DPP10: variants seen among roughly 807,000 people sequenced by gnomAD.
DPP10 encodes dipeptidyl peptidase like 10, also known as inactive dipeptidyl peptidase 10.
Under a neutral mutation model 120.9 loss-of-function variants are expected in DPP10, and 33 were observed. The observed-to-expected ratio is 0.27, with a 90% CI of 0.21 to 0.37. The LOEUF (loss-of-function observed/expected upper bound fraction) is 0.37, where lower values mean the gene tolerates loss of function less well. Among genes scored for constraint, DPP10 ranks in the 10% least tolerant of loss-of-function variants. DPP10 has a pLI of 1.00. For missense variants in DPP10, 816 were observed against 942.8 expected, an observed-to-expected ratio of 0.87 and a Z score of 1.76; for synonymous variants, 337 against 326.1, an observed-to-expected ratio of 1.03 and a Z score of -0.36.
intron 1 of DPP10, among the ~76,000 whole-genome samples, chr2:115,189,908 C>T (rs754562876): frequency 9.2e-5 from 14 of 152,046 alleles, no homozygotes; most frequent in Non-Finnish European, 1.8e-4. Context: ...GCATTTACTC[C>T]TCCTGAGTTT....
At chr2:115,342,109 T>C (rs191877179) in intron 2 of DPP10, 1 of 453,530 alleles carries the variant, frequency 2.2e-6, no homozygotes, top group African/African-American at 2.0e-5. Context: ...AGGCCTTCTC[T>C]GATTTTTTCT....
At chr2:115,236,823 A>G (rs1259838861) in intron 1 of DPP10, among the ~76,000 whole-genome samples, 1 of 152,162 alleles carries the variant, frequency 6.6e-6, no homozygotes, top group Non-Finnish European at 1.5e-5. Context: ...TCTCTCATGG[A>G]GACTAAGTAA....
chr2:115,475,025 A>C (rs2074983983), intron 3 of DPP10, among the ~76,000 whole-genome samples: 1 of 151,962 alleles, frequency 6.6e-6, no homozygotes, highest in Middle Eastern at 3.4e-3. Flanking sequence ...CATTTGGTAG[A>C]AAAGAAAAGC....
At chr2:114,473,407 G>A (rs138609360) in intron 1 of DPP10, among the ~76,000 whole-genome samples, 196 of 152,272 alleles carry the variant, frequency 1.3e-3, no homozygotes, top group Middle Eastern at 6.8e-3. Context: ...TATGCTTCAA[G>A]ACAGTTATTT....
At chr2:115,747,092 A>G (rs1177823200) in intron 10 of DPP10, among the ~76,000 whole-genome samples, 2 of 152,122 alleles carry the variant, frequency 1.3e-5, no homozygotes, top group African/African-American at 4.8e-5. Context: ...AAAAGGTAAT[A>G]AAGGTTTATG....
At chr2:115,758,452 G>C (rs1354068819) in intron 11 of DPP10, among the ~76,000 whole-genome samples, 2 of 151,968 alleles carry the variant, frequency 1.3e-5, no homozygotes, top group East Asian at 3.9e-4. Context: ...GCATTTGAAA[G>C]ACCTAAATAA....
At chr2:115,297,963 C>T (rs2060963913) in intron 1 of DPP10, among the ~76,000 whole-genome samples, 1 of 152,060 alleles carries the variant, frequency 6.6e-6, no homozygotes, top group Admixed American at 6.6e-5. Context: ...AACAACTGTA[C>T]TCCTGGGATG....
chr2:114,703,226 T>A (rs1035853777), intron 1 of DPP10, among the ~76,000 whole-genome samples: 1 of 152,154 alleles, frequency 6.6e-6, no homozygotes, highest in Non-Finnish European at 1.5e-5. Context: ...TCAAAAAAAA[T>A]AATATATCTA....
intron 1 of DPP10, among the ~76,000 whole-genome samples, chr2:114,914,902 C>T (rs1030276677): frequency 1.3e-4 from 20 of 152,116 alleles, no homozygotes; most frequent in Admixed American, 6.5e-4. Flanking sequence ...GAGGCCGAGG[C>T]GGGCGGATCA....
At chr2:114,656,073 A>T (rs1696947001) in intron 1 of DPP10, among the ~76,000 whole-genome samples, 1 of 152,134 alleles carries the variant, frequency 6.6e-6, no homozygotes, top group African/African-American at 2.4e-5. Flanking sequence ...TTATGTTGAG[A>T]TTCAATGTTA....
intron 1 of DPP10, among the ~76,000 whole-genome samples, chr2:114,997,171 G>A (rs985021068): frequency 2.0e-5 from 3 of 151,590 alleles, no homozygotes; most frequent in Non-Finnish European, 2.9e-5. Flanking sequence ...TCACTTATAA[G>A]AAACTTAAAT....
intron 5 of DPP10, among the ~76,000 whole-genome samples, chr2:115,661,629 A>G (rs913049803): frequency 6.6e-6 from 1 of 152,228 alleles, no homozygotes; most frequent in African/African-American, 2.4e-5. Flanking sequence ...GTGTGGTTTC[A>G]GCCAACATTC....
chr2:115,742,058 T>C (rs1677339995), intron 9 of DPP10, among the ~76,000 whole-genome samples: 1 of 151,998 alleles, frequency 6.6e-6, no homozygotes. Context: ...CAGGTACTAA[T>C]GATAAACTTT....
chr2:114,663,502 A>G (rs555245978), intron 1 of DPP10, among the ~76,000 whole-genome samples: 1 of 150,440 alleles, frequency 6.6e-6, no homozygotes, highest in East Asian at 1.9e-4. Flanking sequence ...CCCCAACAGG[A>G]CCCGCTGTAA....
chr2:115,576,640 T>C (rs1438740705), intron 5 of DPP10, among the ~76,000 whole-genome samples: 1 of 152,178 alleles, frequency 6.6e-6, no homozygotes, highest in Non-Finnish European at 1.5e-5. Flanking sequence ...ACGGTTGAGA[T>C]GGAGAGGCTT....
intron 1 of DPP10, among the ~76,000 whole-genome samples, chr2:115,186,170 C>T (rs891375533): frequency 3.9e-5 from 6 of 152,160 alleles, no homozygotes; most frequent in African/African-American, 1.4e-4. Context: ...CTGCGGAGCT[C>T]CGTTGTTTTT....
chr2:115,539,220 A>C (rs1215866200), intron 5 of DPP10, among the ~76,000 whole-genome samples: 2 of 152,022 alleles, frequency 1.3e-5, no homozygotes, highest in Admixed American at 6.6e-5. Flanking sequence ...GTAATTGTGG[A>C]AAAGGAAAAC....
chr2:115,840,952 A>C, intron 25 of DPP10, 129 bp downstream of exon 25: 1 of 707,432 alleles, frequency 1.4e-6, no homozygotes, highest in Non-Finnish European at 2.2e-6. Context: ...GTTACCAAAG[A>C]TTGTGTTCTC....
chr2:115,041,398 T>G (rs1704632471), intron 1 of DPP10, among the ~76,000 whole-genome samples: 1 of 152,162 alleles, frequency 6.6e-6, no homozygotes, highest in African/African-American at 2.4e-5. Context: ...AATCATTGGC[T>G]TCTTACTCTG....
Sources: allele counts gnomAD v4.1 joint callset (sites outside exome capture counted in the v4.1 genomes callset), GRCh38; gene constraint gnomAD v4.1.1; transcripts MANE v1.5; gene names NCBI Gene and HGNC (gene_info 2026-07-23, HGNC 2026-07-21).